The following RPS9 variants were observed in gnomAD, a reference collection of about 807,000 sequenced individuals.
The protein encoded by RPS9 is ribosomal protein S9, also known as small ribosomal subunit protein uS4.
Under a neutral mutation model 16.9 loss-of-function variants are expected in RPS9, and 1 was observed. The observed-to-expected ratio is 0.06, with a 90% confidence interval of 0.02 to 0.28. RPS9 has a LOEUF of 0.28. Among genes scored for constraint, RPS9 ranks in the 10% least tolerant of loss-of-function variants. The pLI is 1.00. For synonymous variants in RPS9, 106 were observed against 110.9 expected, an observed-to-expected ratio of 0.96 and a Z score of 0.28; for missense variants, 137 against 273.2, an observed-to-expected ratio of 0.50 and a Z score of 3.51.
chr19:54,203,985 G>A (rs1447340423), intron 3 of RPS9, among the ~76,000 whole-genome samples: 1 of 152,202 alleles, frequency 6.6e-6, no homozygotes, highest in African/African-American at 2.4e-5. Context: ...TGCTTTTGTT[G>A]AAGGTGTAAG....
chr19:54,202,974 A>T, intron 3 of RPS9: 1 of 966,944 alleles, frequency 1.0e-6, no homozygotes, highest in Non-Finnish European at 1.2e-6. Context: ...CTGGGGTTAC[A>T]GGTGTAAGCC....
At chr19:54,201,843 C>A in intron 3 of RPS9, 1 of 837,030 alleles carries the variant, frequency 1.2e-6, no homozygotes, top group Non-Finnish European at 1.8e-6. Flanking sequence ...TTAGTAATGA[C>A]CAGAGCTAAA....
rs1262299955 is a variant in RPS9, at chr19:54,201,244, C to T, written c.60C>T (p.Phe20=). The part of the protein sequence containing the change: ...RKTYVTPRRP[F]EKSRLDQELK... Reference sequence around the variant, plus strand: ...CTTATGTGACCCCGCGGAGACCCTTCGAGAAATCTCGTCTCGACCAAGAGC... The same window carrying T: ...CTTATGTGACCCCGCGGAGACCCTTTGAGAAATCTCGTCTCGACCAAGAGC... The change falls in exon 2 of 5, where the codon TTC becomes TTT. Residue 20 remains phenylalanine, a synonymous_variant. Transcript: ENST00000302907. 2 of 1,612,494 alleles carry T rather than the reference C, an allele frequency of 1.2e-6. No homozygotes were observed. The highest frequency in any genetic ancestry group is 1.7e-5 in the Admixed American group (1 of 59,874).
chr19:54,207,384 G>A lies in RPS9; in HGVS notation c.408-14G>A. The A allele has an allele frequency of 6.2e-7, 1 of 1,600,092 alleles. No individual in the cohort carries two copies. The highest frequency in any genetic ancestry group is 1.3e-5 in the African/African-American group (1 of 74,822). On this transcript the variant is annotated splice_polypyrimidine_tract_variant and intron_variant, in intron 4 of 4. Transcript: ENST00000302907. ...TTTCTCCTCCAGTCCACCTCACCTT[G>A]TCGCTGCTTCCAGGGTCCGCAAGCA...
intron 4 of RPS9, chr19:54,207,009 G>A (rs995117278): frequency 1.2e-5 from 5 of 428,582 alleles, no homozygotes; most frequent in Non-Finnish European, 1.7e-5. Flanking sequence ...CGTCGGAGAC[G>A]TAGCCTCGGG....
chr19:54,202,639 G>A (rs73614906), intron 3 of RPS9: 112,341 of 985,166 alleles, frequency 0.11, 6,562 homozygotes, highest in Middle Eastern at 0.15. Flanking sequence ...TGTTATTGGA[G>A]TGCTTTCTAC....
chr19:54,206,861 G>C (rs148489508), intron 4 of RPS9: 1 of 716,722 alleles, frequency 1.4e-6, no homozygotes, highest in East Asian at 2.8e-5. Flanking sequence ...GGTACTCAGT[G>C]TGCCCTTTCT....
At chr19:54,201,132 C>T (rs566447921) in intron 1 of RPS9, 28 bp from the exon 2 acceptor site, 536 of 1,611,856 alleles carry the variant, frequency 3.3e-4, no homozygotes, top group Admixed American at 6.7e-4. Context: ...GTTTGGATCC[C>T]TTACGCTCAC....
At chr19:54,202,258 T>C (rs1012103738) in intron 3 of RPS9, 1 of 190,648 alleles carries the variant, frequency 5.2e-6, no homozygotes, top group African/African-American at 2.4e-5. Flanking sequence ...CAATCTTGGC[T>C]CACTGCAAAC....
intron 3 of RPS9, among the ~76,000 whole-genome samples, chr19:54,204,389 A>AT (rs1024140068): frequency 8.5e-5 from 13 of 152,140 alleles, no homozygotes; most frequent in African/African-American, 2.7e-4. Flanking sequence ...AATGTGAAAC[A>AT]TTTTTTTAAA....
intron 3 of RPS9, chr19:54,202,850 C>T (rs183321076): frequency 1.7e-5 from 17 of 985,426 alleles, no homozygotes; most frequent in Non-Finnish European, 2.0e-5. Context: ...TTGTCCCAGG[C>T]TTGCAGATGT....
intron 2 of RPS9, 93 bp downstream of exon 2, chr19:54,201,374 C>G (rs769461521): frequency 1.6e-5 from 26 of 1,606,976 alleles, no homozygotes; most frequent in Non-Finnish European, 2.2e-5. Flanking sequence ...TAGTCCGTCC[C>G]CTAAATTTGG....
At chr19:54,203,052 G>A in intron 3 of RPS9, 2 of 985,296 alleles carry the variant, frequency 2.0e-6, no homozygotes, top group Non-Finnish European at 2.4e-6. Context: ...TGAAAGTGCT[G>A]GAGATCCCTC....
rs750222816 is a variant in RPS9, at chr19:54,201,293, A to G, written c.97+12A>G. 1.1e-4 allele frequency: 184 copies of G among 1,613,950 alleles called. No homozygotes were observed. The highest frequency in any genetic ancestry group is 1.4e-4 in the Non-Finnish European group (168 of 1,180,012). On this transcript the variant is annotated intron_variant, in intron 2 of 4. Coordinates refer to ENST00000302907, the MANE Select transcript of RPS9 (RefSeq NM_001013.4). ...GCTGAAGCTGATCGGTGAGTGGCCAAGGCTTCCGGGAAGTGGTTCGGCTTC... is the reference window on the plus strand; with the variant it reads ...GCTGAAGCTGATCGGTGAGTGGCCAGGGCTTCCGGGAAGTGGTTCGGCTTC...
At chr19:54,201,650 C>T (rs201511839) in intron 3 of RPS9, 41 bp downstream of exon 3, 275 of 1,610,170 alleles carry the variant, frequency 1.7e-4, no homozygotes, top group Non-Finnish European at 2.2e-4. Context: ...GGGTGCAGGG[C>T]TTGTGAGGTT....
intron 3 of RPS9, chr19:54,201,909 C>T (rs925340597): frequency 3.4e-5 from 14 of 413,158 alleles, no homozygotes; most frequent in Non-Finnish European, 5.1e-5. Flanking sequence ...GTTTATGTGG[C>T]CTGTTTGCTA....
At position 54,207,443 on chromosome 19, in the gene RPS9, G is replaced by A; in HGVS notation, c.453G>A (p.Leu151=). The change falls in exon 5 of 5, where the codon CTG becomes CTA. Residue 151 remains leucine, a synonymous_variant. Transcript: ENST00000302907. ...VVNIPSFIVR[L]DSQKHIDFSL... Reference sequence around the variant, plus strand: ...ACATCCCGTCCTTCATTGTCCGCCTGGATTCCCAGAAGCACATCGACTTCT... The same window carrying A: ...ACATCCCGTCCTTCATTGTCCGCCTAGATTCCCAGAAGCACATCGACTTCT... 6.2e-7 allele frequency: 1 copy of A among 1,613,776 alleles called. No homozygotes were observed. The highest frequency in any genetic ancestry group is 2.2e-5 in the East Asian group (1 of 44,876).
chr19:54,202,987 C>T (rs73614911), intron 3 of RPS9: 111,153 of 970,938 alleles, frequency 0.11, 6,510 homozygotes, highest in Middle Eastern at 0.15. Context: ...TGTAAGCCAC[C>T]GCACCTGACC....
At position 54,206,360 on chromosome 19, in the gene RPS9, T is replaced by G. The variant is rs1269588876; in HGVS notation, c.305T>G (p.Ile102Arg). 1 of 1,614,048 alleles carries G rather than the reference T, an allele frequency of 6.2e-7. No homozygotes were observed. The highest frequency in any genetic ancestry group is 1.3e-5 in the African/African-American group (1 of 74,932). The part of the protein sequence containing the change: ...MKLDYILGLK[I>R]EDFLERRLQT... ...CTGGATTACATCCTGGGCCTGAAGATAGAGGATTTCTTAGAGAGACGCCTG... is the reference window on the plus strand; with the variant it reads ...CTGGATTACATCCTGGGCCTGAAGAGAGAGGATTTCTTAGAGAGACGCCTG... The change falls in exon 4 of 5, where the codon ATA (isoleucine) becomes AGA (arginine). Residue 102 changes from isoleucine (I) to arginine (R), a missense_variant. Coordinates refer to ENST00000302907, the MANE Select transcript of RPS9 (RefSeq NM_001013.4).
Sources: allele counts gnomAD v4.1 joint callset (sites outside exome capture counted in the v4.1 genomes callset), GRCh38; gene constraint gnomAD v4.1.1; transcripts MANE v1.5; gene names NCBI Gene and HGNC (gene_info 2026-07-23, HGNC 2026-07-21).